The following ENTPD3 variants were observed in gnomAD, a reference collection of about 807,000 sequenced individuals.
ENTPD3 encodes CD39 antigen-like 3.
Under a neutral mutation model 51.2 loss-of-function variants are expected in ENTPD3, and 60 were observed. The ratio of observed to expected loss-of-function variants is 1.17; its 90% CI spans 0.95 to 1.45. ENTPD3 has a LOEUF of 1.45. ENTPD3 is among the 40% of genes most tolerant of loss of function. The probability of loss-of-function intolerance (pLI) is 0.00; values close to 1 mark genes in which losing one functional copy is unlikely to be tolerated. For missense variants in ENTPD3, 593 were observed against 641.1 expected (o/e 0.93, Z 0.81); for synonymous variants, 221 against 238.4 (o/e 0.93, Z 0.67).
intron 6 of ENTPD3, 137 bp downstream of exon 6, chr3:40,414,977 C>T: frequency 1.2e-6 from 1 of 859,888 alleles, no homozygotes; most frequent in East Asian, 2.4e-5. Context: ...TAGGGAAATA[C>T]CTATGAGACA....
chr3:40,407,664 AAG>A (rs1194186969), intron 4 of ENTPD3, among the ~76,000 whole-genome samples: 1 of 152,192 alleles, frequency 6.6e-6, no homozygotes, highest in Non-Finnish European at 1.5e-5. Context: ...TACTGAAGAA[AAG>A]AGATCTGAGG....
At chr3:40,395,691 C>T (rs1955181725) in intron 3 of ENTPD3, among the ~76,000 whole-genome samples, 1 of 152,208 alleles carries the variant, frequency 6.6e-6, no homozygotes, top group African/African-American at 2.4e-5. Context: ...TTCCATCAGT[C>T]ATTAGCTGAG....
chr3:40,412,092 T>C, intron 5 of ENTPD3, 130 bp downstream of exon 5: 1 of 943,960 alleles, frequency 1.1e-6, no homozygotes, highest in Non-Finnish European at 1.4e-6. Flanking sequence ...CATTCTGCCA[T>C]AAATTTGGGC....
At chr3:40,407,081 C>T (rs2125598622) in intron 4 of ENTPD3, among the ~76,000 whole-genome samples, 1 of 152,166 alleles carries the variant, frequency 6.6e-6, no homozygotes, top group East Asian at 1.9e-4. Flanking sequence ...CATCACAACA[C>T]CATTTACTGA....
rs370322758 is a variant in ENTPD3 at position 40,423,392 on chromosome 3, T to C, written c.1206T>C (p.Asn402=). 29 of 1,609,224 alleles carry C rather than the reference T, an allele frequency of 1.8e-5. No homozygotes were observed. In the African/African-American group the frequency reaches 2.9e-4, roughly 16 times the overall value. Residue 402 remains asparagine, a synonymous_variant, in exon 9 of 11, where the codon AAT becomes AAC. Transcript: ENST00000301825. ...NSSTWNFCSQ[N]WSQLPLLLPK... is the part of the protein sequence containing the mutation. ...GCACCTGGAATTTCTGCTCACAGAA[T>C]TGGAGTCAGGTCAGTATTTAAAGAG...
At chr3:40,413,318 C>T (rs190735260) in intron 5 of ENTPD3, among the ~76,000 whole-genome samples, 23 of 152,304 alleles carry the variant, frequency 1.5e-4, no homozygotes, top group Non-Finnish European at 2.9e-4. Context: ...TGGGACTTGA[C>T]TTCAGGTAAT....
At chr3:40,408,620 T>C (rs1357629048) in intron 4 of ENTPD3, among the ~76,000 whole-genome samples, 1 of 152,250 alleles carries the variant, frequency 6.6e-6, no homozygotes, top group Non-Finnish European at 1.5e-5. Context: ...CTCATAGGAA[T>C]ATGCCTGAGA....
At chr3:40,417,935 G>A (rs755228853) in intron 7 of ENTPD3, among the ~76,000 whole-genome samples, 4 of 152,104 alleles carry the variant, frequency 2.6e-5, no homozygotes, top group Non-Finnish European at 5.9e-5. Context: ...AAATTTGGCT[G>A]GCCCTATGGA....
At chr3:40,423,434 T>C (rs764640241) in intron 9 of ENTPD3, 33 bp downstream of exon 9, 2 of 1,394,570 alleles carry the variant, frequency 1.4e-6, no homozygotes, top group Non-Finnish European at 2.0e-6. Flanking sequence ...TCAATGTCAG[T>C]ACAAAAAAAT....
chr3:40,424,054 T>C (rs1955937209), intron 10 of ENTPD3, 91 bp downstream of exon 10: 1 of 1,578,734 alleles, frequency 6.3e-7, no homozygotes, highest in Non-Finnish European at 8.6e-7. Context: ...AAAAGGGTAT[T>C]AATGAGTTAA....
intron 3 of ENTPD3, among the ~76,000 whole-genome samples, chr3:40,397,152 G>A (rs1955225322): frequency 1.0e-5 from 1 of 97,358 alleles, no homozygotes; most frequent in Non-Finnish European, 1.9e-5. Context: ...GAAAGCCTCG[G>A]TCTCCTTATG....
chr3:40,400,973 C>T lies in ENTPD3; in HGVS notation c.248C>T (p.Thr83Ile). The T allele has an allele frequency of 6.2e-6, 10 of 1,613,696 alleles. No homozygotes were observed. Among genetic ancestry groups the T allele is most frequent in the Non-Finnish European group, 8.5e-6 (10 of 1,179,924 alleles). Residue 83 changes from threonine (T) to isoleucine (I), a missense_variant, in exon 4 of 11, where the codon ACC (threonine) becomes ATC (isoleucine). Transcript: ENST00000301825. The stretch of plus-strand genomic sequence containing the variant: ...TGGCCAGCAGAAAAAGAGAATAATA[C>T]CGGAGTGGTCAGTCAAACCTTCAAA... ...YQWPAEKENNTGVVSQTFKCS... is the reference protein window; with the variant it reads ...YQWPAEKENNIGVVSQTFKCS...
intron 3 of ENTPD3, among the ~76,000 whole-genome samples, chr3:40,395,375 A>G (rs1955174116): frequency 6.6e-6 from 1 of 152,366 alleles, no homozygotes; most frequent in East Asian, 1.9e-4. Flanking sequence ...GCACTGTTGA[A>G]GGAGAAAACC....
intron 6 of ENTPD3, 127 bp from the exon 7 acceptor site, chr3:40,415,713 A>C: frequency 3.0e-6 from 2 of 667,810 alleles, no homozygotes; most frequent in Non-Finnish European, 5.2e-6. Context: ...AAAAGGAAAG[A>C]ATTGGCCTCA....
intron 3 of ENTPD3, chr3:40,392,456 G>C: frequency 3.5e-6 from 1 of 282,740 alleles, no homozygotes. Flanking sequence ...AGATTTACCA[G>C]TTCAGCCAGG....
chr3:40,423,314 AGCCAGT>A lies in ENTPD3; in HGVS notation c.1131_1136del (p.Ser378_Ala379del), dbSNP rs771226347. The A allele has an allele frequency of 2.5e-6, 4 of 1,613,938 alleles. No homozygotes were observed. The South Asian group carries it at 4.4e-5, about 18-fold the overall frequency. On this transcript the variant is annotated inframe_deletion, in exon 9 of 11. Coordinates refer to ENST00000301825, the MANE Select transcript of ENTPD3 (RefSeq NM_001248.4). ...AGGCTTTTGCAGGATTCTACTACAC[AGCCAGT>A]GCTTTAAATCTTTCAGGTAGCTTTT...
At chr3:40,413,792 C>T (rs1448770514) in intron 5 of ENTPD3, among the ~76,000 whole-genome samples, 1 of 152,068 alleles carries the variant, frequency 6.6e-6, no homozygotes, top group Non-Finnish European at 1.5e-5. Context: ...GAGAAACTAG[C>T]TGATATTTTA....
chr3:40,400,829 C>T, intron 3 of ENTPD3, 65 bp from the exon 4 acceptor site: 1 of 1,233,754 alleles, frequency 8.1e-7, no homozygotes, highest in Non-Finnish European at 1.2e-6. Flanking sequence ...CTCAGTGGCC[C>T]ACTGAGAAAG....
rs145629885 is a variant in ENTPD3 at position 40,393,603 on chromosome 3, G to A, written c.168+1453G>A. On this transcript the variant is annotated intron_variant, in intron 3 of 10. Coordinates refer to ENST00000301825, the MANE Select transcript of ENTPD3 (RefSeq NM_001248.4). ...TATAATAGCATTTGGTTCCTTGATA[G>A]GATATTTTATTTAAGAATCTCAGCC... 4.0e-3 allele frequency among the ~76,000 whole-genome samples: 605 copies of A among 152,064 alleles called. 1 individual carries two copies. Among genetic ancestry groups the A allele is most frequent in the Middle Eastern group, 0.01 (3 of 294 alleles).
Sources: allele counts gnomAD v4.1 joint callset (sites outside exome capture counted in the v4.1 genomes callset), GRCh38; gene constraint gnomAD v4.1.1; transcripts MANE v1.5; gene names NCBI Gene and HGNC (gene_info 2026-07-23, HGNC 2026-07-21).